The following SIK2 variants were observed in gnomAD, a reference collection of about 807,000 sequenced individuals.
The protein encoded by SIK2 is serine/threonine-protein kinase SIK2.
In SIK2, 29 loss-of-function variants were observed where a neutral mutation model predicts 103.2. The ratio of observed to expected loss-of-function variants is 0.28; its 90% confidence interval spans 0.21 to 0.38. SIK2 has a LOEUF of 0.38. Among genes scored for constraint, SIK2 ranks in the 10% least tolerant of loss-of-function variants. The pLI, the probability that SIK2 is intolerant of heterozygous loss-of-function variation, is 1.00. For synonymous variants in SIK2, 412 were observed against 446.1 expected, an observed-to-expected ratio of 0.92 and a Z score of 0.96; for missense variants, 879 against 1,171.0, an observed-to-expected ratio of 0.75 and a Z score of 3.64.
At chr11:111,693,100 A>G (rs899478843) in intron 4 of SIK2, among the ~76,000 whole-genome samples, 9 of 152,160 alleles carry the variant, frequency 5.9e-5, no homozygotes, top group African/African-American at 1.9e-4. Context: ...TTGAGGGGCC[A>G]AGGTGGGCGG....
intron 1 of SIK2, among the ~76,000 whole-genome samples, chr11:111,609,619 G>A (rs768773746): frequency 3.2e-4 from 49 of 152,136 alleles, no homozygotes; most frequent in Non-Finnish European, 6.0e-4. Context: ...ACCATACCCA[G>A]CCTTCAAATT....
At chr11:111,605,123 C>T (rs980613357) in intron 1 of SIK2, among the ~76,000 whole-genome samples, 6 of 152,110 alleles carry the variant, frequency 3.9e-5, no homozygotes, top group Admixed American at 2.0e-4. Context: ...CCACCATGCC[C>T]GGCTAATTTG....
chr11:111,725,083 A>G lies in SIK2; in HGVS notation c.*954A>G, dbSNP rs1229337961. 6.6e-6 allele frequency: 1 copy of G among 152,656 alleles called. No homozygotes were observed. The highest frequency in any genetic ancestry group is 2.4e-5 in the African/African-American group (1 of 41,448). The allele number at this position is 152,656 out of a possible 1,614,324, so 9.5% of individuals were successfully genotyped here. A position where few individuals can be genotyped will look rare whatever the true frequency, so the allele number is the denominator to read the frequency against. Reference sequence around the variant, plus strand: ...TTGCTAGTAGTTTATTGAGCTTTGTATATTTGGACAGTTTCATATAGGGCT... The same window carrying G: ...TTGCTAGTAGTTTATTGAGCTTTGTGTATTTGGACAGTTTCATATAGGGCT... On this transcript the variant is annotated 3_prime_UTR_variant, in exon 15 of 15. Transcript: ENST00000304987.
At chr11:111,622,383 A>G (rs991632544) in intron 3 of SIK2, among the ~76,000 whole-genome samples, 1 of 150,474 alleles carries the variant, frequency 6.6e-6, no homozygotes, top group Non-Finnish European at 1.5e-5. Context: ...AGCCTCCCAA[A>G]TAACTGGTCC....
intron 3 of SIK2, among the ~76,000 whole-genome samples, chr11:111,679,529 A>C (rs1354064782): frequency 6.6e-6 from 1 of 152,238 alleles, no homozygotes; most frequent in Non-Finnish European, 1.5e-5. Context: ...AAAGTGTTTT[A>C]CAATCTGTAG....
chr11:111,610,264 T>A (rs937285802), intron 1 of SIK2, among the ~76,000 whole-genome samples: 2 of 151,602 alleles, frequency 1.3e-5, no homozygotes, highest in East Asian at 3.9e-4. Context: ...CCGAGGCGGG[T>A]GGATTGCTTG....
At chr11:111,720,443 G>A in intron 10 of SIK2, 35 bp from the exon 11 acceptor site, 1 of 1,555,684 alleles carries the variant, frequency 6.4e-7, no homozygotes, top group Non-Finnish European at 8.7e-7. Flanking sequence ...AGATGCTATT[G>A]CTGTTGGTTT....
chr11:111,690,624 C>T (rs576447430), intron 4 of SIK2, among the ~76,000 whole-genome samples: 1 of 151,334 alleles, frequency 6.6e-6, no homozygotes, highest in African/African-American at 2.4e-5. Flanking sequence ...CCCTCACCCC[C>T]AAAGAGGCCC....
Position 111,730,183 on chromosome 11 carries a change from G to A in SIK2, c.*6054G>A, listed in dbSNP as rs1033318771. The A allele has an allele frequency of 6.6e-6, 1 of 152,228 alleles. No individual in the cohort carries two copies. The highest frequency in any genetic ancestry group is 1.5e-5 in the Non-Finnish European group (1 of 68,038). The allele number at this position is 152,228 out of a possible 1,614,324, so 9.4% of individuals were successfully genotyped here. On this transcript the variant is annotated 3_prime_UTR_variant, in exon 15 of 15. Transcript: ENST00000304987. Reference sequence around the variant, plus strand: ...AGGCAAAGTGGGTGGGTAGAGGGGAGCTTTAAAAATAGAAGTACAAAACAA... The same window carrying A: ...AGGCAAAGTGGGTGGGTAGAGGGGAACTTTAAAAATAGAAGTACAAAACAA...
At chr11:111,713,966 CA>C (rs938311384) in intron 9 of SIK2, among the ~76,000 whole-genome samples, 8 of 147,466 alleles carry the variant, frequency 5.4e-5, no homozygotes, top group East Asian at 2.0e-4. Flanking sequence ...GACTGCATCT[CA>C]AAAAAAAAAT....
intron 9 of SIK2, among the ~76,000 whole-genome samples, chr11:111,716,447 C>T (rs928240195): frequency 2.6e-5 from 4 of 151,932 alleles, no homozygotes; most frequent in African/African-American, 2.4e-5. Flanking sequence ...CATGGTGGTG[C>T]GTGCCTGTAA....
At chr11:111,687,559 C>T (rs1942862430) in intron 3 of SIK2, among the ~76,000 whole-genome samples, 1 of 149,794 alleles carries the variant, frequency 6.7e-6, no homozygotes, top group Non-Finnish European at 1.5e-5. Context: ...AGTCAAGAAA[C>T]TTGGAAAACA....
Position 111,635,712 on chromosome 11 carries a change from G to C in SIK2, c.316+15310G>C, listed in dbSNP as rs80126248. ...TAAGAAGCCTTAATAAAATAGACAAGTTTCTGAAATGCAGTCCATTTTTCC... is the reference window on the plus strand; with the variant it reads ...TAAGAAGCCTTAATAAAATAGACAACTTTCTGAAATGCAGTCCATTTTTCC... On this transcript the variant is annotated intron_variant, in intron 3 of 14. Transcript: ENST00000304987. Among the ~76,000 whole-genome samples the C allele has an allele frequency of 8.0e-3, 1,214 of 152,322 alleles. 21 individuals carry two copies. The highest frequency in any genetic ancestry group is 0.028 in the African/African-American group (1,145 of 41,564).
At chr11:111,695,339 G>T (rs1191859100) in intron 4 of SIK2, among the ~76,000 whole-genome samples, 2 of 152,060 alleles carry the variant, frequency 1.3e-5, no homozygotes, top group Non-Finnish European at 2.9e-5. Flanking sequence ...TTGCCTCAGT[G>T]GTGTTGATTC....
chr11:111,729,001 TATC>T lies in SIK2; in HGVS notation c.*4876_*4878del, dbSNP rs1944088346. ...GACAAAGAGATTTTCTTAAAGTTTC[TATC>T]ATCTCCCTTCTGACAGGTTCTACAG... is the stretch of plus-strand genomic sequence containing the variant. On this transcript the variant is annotated 3_prime_UTR_variant, in exon 15 of 15. Coordinates refer to ENST00000304987, the MANE Select transcript of SIK2 (RefSeq NM_015191.3). 1 of 152,262 alleles carries T rather than the reference TATC, an allele frequency of 6.6e-6. No homozygotes were observed. The highest frequency in any genetic ancestry group is 2.4e-5 in the African/African-American group (1 of 41,470). The allele number at this position is 152,262 out of a possible 1,614,324, so 9.4% of individuals were successfully genotyped here. A position where few individuals can be genotyped will look rare whatever the true frequency, so the allele number is the denominator to read the frequency against.
rs772931050 is a variant in SIK2, at chr11:111,712,326, G to C, written c.1217G>C (p.Cys406Ser). Residue 406 changes from cysteine (C) to serine (S), a missense_variant, in exon 9 of 15, where the codon TGT becomes TCT. By Grantham distance (112) the Cys-to-Ser change is moderately radical. Around this residue, in one of 7 missense-constraint regions of SIK2, gnomAD observed 222 missense variants for 258.0 expected, o/e 0.86. Transcript: ENST00000304987. Reference protein sequence around the residue: ...VEAFSFPASGCQAEAAFMEEE... With the variant: ...VEAFSFPASGSQAEAAFMEEE... Reference sequence around the variant, plus strand: ...GCCTTTTCATTTCCAGCATCTGGCTGTCAGGCGGAAGCTGCATTCATGGAA... The same window carrying C: ...GCCTTTTCATTTCCAGCATCTGGCTCTCAGGCGGAAGCTGCATTCATGGAA... The C allele has an allele frequency of 2.6e-5, 42 of 1,614,218 alleles. No individual in the cohort carries two copies. The highest frequency in any genetic ancestry group is 3.6e-5 in the Non-Finnish European group (42 of 1,180,044).
intron 3 of SIK2, among the ~76,000 whole-genome samples, chr11:111,653,935 A>G (rs750060301): frequency 6.0e-4 from 92 of 152,086 alleles, no homozygotes; most frequent in Non-Finnish European, 1.1e-3. Context: ...GCTTTGTTCT[A>G]TTTTATTGAC....
chr11:111,723,775 G>A lies in SIK2; in HGVS notation c.2427G>A (p.Arg809=). Residue 809 remains arginine (R), a synonymous_variant, in exon 15 of 15, where the codon CGG becomes CGA. Transcript: ENST00000304987. ...CCCTGCCCTCCACTTCCGGTCCCCG[G>A]GCTGCTCCTCCTCTGCCCACGCAGC... is the stretch of plus-strand genomic sequence containing the variant. ...LQPLPSTSGP[R]AAPPLPTQLQ... is the part of the protein sequence containing the mutation. 1.2e-6 allele frequency: 2 copies of A among 1,613,960 alleles called. No homozygotes were observed. The highest frequency in any genetic ancestry group is 4.5e-5 in the East Asian group (2 of 44,882).
At chr11:111,686,140 G>T (rs557509417) in intron 3 of SIK2, among the ~76,000 whole-genome samples, 3 of 152,194 alleles carry the variant, frequency 2.0e-5, no homozygotes, top group Admixed American at 2.0e-4. Context: ...ATAAATGTTA[G>T]TAAATTTTAT....
Sources: gnomAD v4.1 joint callset for allele counts (sites outside exome capture counted in the v4.1 genomes callset) on GRCh38, gnomAD v4.1.1 for gene constraint, gnomAD v4.1.1 regional missense constraint, MANE v1.5 for transcripts, NCBI Gene and HGNC (gene_info 2026-07-23, HGNC 2026-07-21) for gene names.